MYH14: variants seen among roughly 807,000 people sequenced by gnomAD.
The protein encoded by MYH14 is myosin heavy chain 14, also known as myosin-14.
A neutral mutation model predicts 255.5 loss-of-function variants in MYH14; 123 were observed. The observed-to-expected ratio is 0.48, with a 90% CI of 0.42 to 0.56. The LOEUF (loss-of-function observed/expected upper bound fraction) is 0.56, where lower values mean the gene tolerates loss of function less well. Ranked by LOEUF, MYH14 falls within the 20% of genes least tolerant of loss-of-function variation. MYH14 has a pLI of 0.00. For missense variants in MYH14, 2,423 were observed against 2,802.3 expected (o/e 0.86, Z 3.06); for synonymous variants, 1,095 against 1,161.2 (o/e 0.94, Z 1.16).
rs749700840 is a variant in MYH14 at position 50,266,857 on chromosome 19, C to T, written c.2695-20C>T. The T allele has an allele frequency of 3.9e-6, 6 of 1,551,588 alleles. No homozygotes were observed. Among genetic ancestry groups the T allele is most frequent in the South Asian group, 3.6e-5 (3 of 84,066 alleles). On this transcript the variant is annotated intron_variant, in intron 22 of 42. Transcript: ENST00000642316. The surrounding 1 kb of genome is among the most constrained non-coding windows in gnomAD (Gnocchi z 4.1). ...TTGGCGCCTGAAGTCAGCCATTCCA[C>T]CCCTTTCACCTCCACCTAGGTGAAG...
At chr19:50,245,336 T>C (rs2034059633) in intron 11 of MYH14, among the ~76,000 whole-genome samples, 1 of 150,850 alleles carries the variant, frequency 6.6e-6, no homozygotes, top group African/African-American at 2.4e-5. Context: ...GGAGAATTGC[T>C]TGAACCCAGG....
rs1326829509 is a variant in MYH14 at position 50,236,611 on chromosome 19, G to A, written c.1114+4541G>A. The stretch of plus-strand genomic sequence containing the variant: ...TAATCCCAGCTACTCGGGAGGTTGA[G>A]GCAGGAGAATCGCTTGAACCCGGGA... On this transcript the variant is annotated intron_variant, in intron 10 of 42. Coordinates refer to ENST00000642316, the MANE Select transcript of MYH14 (RefSeq NM_001145809.2). Among the ~76,000 whole-genome samples, 6 of 151,964 alleles carry A rather than the reference G, an allele frequency of 3.9e-5. No homozygotes were observed. The East Asian group carries it at 9.7e-4, about 25-fold the overall frequency.
chr19:50,299,507 G>T (rs1369201267), intron 39 of MYH14, among the ~76,000 whole-genome samples: 1 of 140,948 alleles, frequency 7.1e-6, no homozygotes, highest in Non-Finnish European at 1.5e-5. Flanking sequence ...GGAGGCAGAG[G>T]TTGCAGTGAG....
chr19:50,247,267 G>T, intron 12 of MYH14, 145 bp downstream of exon 12: 2 of 619,800 alleles, frequency 3.2e-6, no homozygotes, highest in Middle Eastern at 2.6e-4. Context: ...TAGGTGCCAG[G>T]CGTAAAAGCA....
intron 3 of MYH14, among the ~76,000 whole-genome samples, chr19:50,219,665 G>T (rs781651531): frequency 5.9e-5 from 9 of 152,054 alleles, no homozygotes; most frequent in Non-Finnish European, 1.2e-4. Flanking sequence ...TAGACAGATG[G>T]CAGGTCAAGG....
In MYH14 at chr19:50,301,803, A is replaced by G. The variant is rs781714533; in HGVS notation, c.5612A>G (p.Lys1871Arg). The G allele has an allele frequency of 1.5e-5, 25 of 1,613,910 alleles. No homozygotes were observed. The highest frequency in any genetic ancestry group is 1.7e-5 in the Non-Finnish European group (20 of 1,179,888). Reference protein sequence around the residue: ...EEDAGARARHKMTIAALESKL... With the variant: ...EEDAGARARHRMTIAALESKL... Reference sequence around the variant, plus strand: ...GATGCTGGGGCCCGTGCCCGCCACAAGATGACCATTGCTGCCCTTGAGTCT... The same window carrying G: ...GATGCTGGGGCCCGTGCCCGCCACAGGATGACCATTGCTGCCCTTGAGTCT... The change falls in exon 40 of 43, where the codon AAG becomes AGG. Residue 1871 changes from lysine (K) to arginine (R), a missense_variant. Coordinates refer to ENST00000642316, the MANE Select transcript of MYH14 (RefSeq NM_001145809.2).
At chr19:50,298,699 C>G (rs979423970) in intron 39 of MYH14, among the ~76,000 whole-genome samples, 1 of 149,748 alleles carries the variant, frequency 6.7e-6, no homozygotes, top group Non-Finnish European at 1.5e-5. Flanking sequence ...TACAGTGAGC[C>G]GAGATCGAGC....
At chr19:50,292,083 C>T (rs1223296625) in intron 36 of MYH14, among the ~76,000 whole-genome samples, 178 bp from the exon 37 acceptor site, 1 of 152,082 alleles carries the variant, frequency 6.6e-6, no homozygotes, top group Non-Finnish European at 1.5e-5. Flanking sequence ...GTGGGAGAGG[C>T]TGGCTCAGGG....
intron 13 of MYH14, 55 bp downstream of exon 13, chr19:50,249,194 T>C: frequency 6.7e-7 from 1 of 1,501,622 alleles, no homozygotes; most frequent in Non-Finnish European, 8.9e-7. Context: ...GTCCTGGTCC[T>C]TTCTGAAGCC....
chr19:50,248,993 T>A lies in MYH14; in HGVS notation c.1336T>A (p.Phe446Ile). ...CATGAGCCCTGTCCCACAGGCTGACTTCGCGCTGGAGGCCCTGGCCAAGGC... is the reference window on the plus strand; with the variant it reads ...CATGAGCCCTGTCCCACAGGCTGACATCGCGCTGGAGGCCCTGGCCAAGGC... ...QKAQTKEQAD[F>I]ALEALAKATY... The change falls in exon 13 of 43, where the codon TTC becomes ATC. Residue 446 changes from phenylalanine to isoleucine, a missense_variant. This residue lies in a region of MYH14 where 672 missense variants were observed against 881.8 expected (regional missense o/e 0.76). Coordinates refer to ENST00000642316, the MANE Select transcript of MYH14 (RefSeq NM_001145809.2). The A allele has an allele frequency of 6.2e-7, 1 of 1,613,554 alleles. No homozygotes were observed.
At chr19:50,213,520 C>T (rs571036660) in intron 2 of MYH14, among the ~76,000 whole-genome samples, 1 of 152,120 alleles carries the variant, frequency 6.6e-6, no homozygotes, top group Non-Finnish European at 1.5e-5. Context: ...GGCCAGGGAG[C>T]CAGACTTTTG....
At chr19:50,218,389 G>A (rs2032607170) in intron 3 of MYH14, among the ~76,000 whole-genome samples, 2 of 152,000 alleles carry the variant, frequency 1.3e-5, no homozygotes, top group African/African-American at 4.8e-5. Context: ...GAGGTCAGGA[G>A]ATCGAGACCA....
At chr19:50,267,064 A>G in intron 23 of MYH14, 56 bp downstream of exon 23, 1 of 1,464,724 alleles carries the variant, frequency 6.8e-7, no homozygotes, top group Non-Finnish European at 9.2e-7. Context: ...GCTGTGTCGC[A>G]TGGGTGGAGC....
intron 40 of MYH14, among the ~76,000 whole-genome samples, chr19:50,303,038 A>G (rs2036545629): frequency 6.6e-6 from 1 of 152,240 alleles, no homozygotes. Flanking sequence ...CACTACGAGT[A>G]TTATTTACGT....
At chr19:50,282,799 TTA>T (rs2035770810) in intron 33 of MYH14, among the ~76,000 whole-genome samples, 1 of 152,180 alleles carries the variant, frequency 6.6e-6, no homozygotes, top group South Asian at 2.1e-4. Flanking sequence ...ATTTCTCTCT[TTA>T]TGTTTGGTTC....
chr19:50,227,389 G>A (rs927212430), intron 8 of MYH14, among the ~76,000 whole-genome samples: 9 of 152,234 alleles, frequency 5.9e-5, no homozygotes, highest in African/African-American at 1.9e-4. Context: ...ATGCTGTCCC[G>A]GGGAAGCACA....
chr19:50,280,127 C>G lies in MYH14; in HGVS notation c.4123C>G (p.Leu1375Val), dbSNP rs753913288. 1.4e-5 allele frequency: 22 copies of G among 1,604,646 alleles called. No homozygotes were observed. Among genetic ancestry groups the G allele is most frequent in the Non-Finnish European group, 1.9e-5 (22 of 1,175,832 alleles). ...SKELSSTEAQ[L>V]HDAQELLQEE... ...GGAGCTGAGCAGCACAGAAGCCCAG[C>G]TGCACGATGCCCAGGTGACCCTGCC... Residue 1375 changes from leucine (L) to valine (V), a missense_variant, in exon 31 of 43, where the codon CTG becomes GTG. Physicochemically the swap from Leu to Val is conservative, Grantham distance 32. Coordinates refer to ENST00000642316, the MANE Select transcript of MYH14 (RefSeq NM_001145809.2). This position sits in a 1 kb window ranked among gnomAD's most constrained non-coding sequence, Gnocchi z 4.8.
chr19:50,234,026 G>T (rs1259380852), intron 10 of MYH14, among the ~76,000 whole-genome samples: 1 of 151,724 alleles, frequency 6.6e-6, no homozygotes, highest in Non-Finnish European at 1.5e-5. Flanking sequence ...CACTAAGTTG[G>T]CCAGGCTGGT....
intron 15 of MYH14, among the ~76,000 whole-genome samples, chr19:50,251,613 T>C (rs1383353414): frequency 1.3e-5 from 2 of 150,982 alleles, no homozygotes; most frequent in African/African-American, 4.9e-5. Context: ...AGTCTCCCTC[T>C]GTTACCCAGG....
Sources: allele counts gnomAD v4.1 joint callset (sites outside exome capture counted in the v4.1 genomes callset), GRCh38; gene constraint gnomAD v4.1.1; regional missense constraint gnomAD v4.1.1; non-coding constraint Gnocchi (gnomAD v3.1); transcripts MANE v1.5; gene names NCBI Gene and HGNC (gene_info 2026-07-23, HGNC 2026-07-21).